The following NOL12 variants were observed in gnomAD, a reference collection of about 807,000 sequenced individuals.
NOL12 encodes nucleolar protein 12.
A neutral mutation model predicts 25.2 loss-of-function variants in NOL12; 21 were observed. The ratio of observed to expected loss-of-function variants is 0.83; its 90% confidence interval spans 0.59 to 1.20. The LOEUF (loss-of-function observed/expected upper bound fraction) is 1.20, where lower values mean the gene tolerates loss of function less well. Among genes scored for constraint, NOL12 ranks in the 50% most tolerant of loss-of-function variants. The probability of loss-of-function intolerance (pLI) is 0.00; values close to 1 mark genes in which losing one functional copy is unlikely to be tolerated. For synonymous variants in NOL12, 133 were observed against 113.8 expected (o/e 1.17, Z -1.08); for missense variants, 286 against 287.6 (o/e 0.99, Z 0.04).
Position 37,692,719 on chromosome 22 carries a change from G to A in NOL12, c.*1383G>A, listed in dbSNP as rs2145800151. 2.5e-6 allele frequency: 1 copy of A among 399,258 alleles called. No individual in the cohort carries two copies. Among genetic ancestry groups the A allele is most frequent in the Admixed American group, 4.4e-5 (1 of 22,750 alleles). The allele number at this position is 399,258 out of a possible 1,614,324, so 24.7% of individuals were successfully genotyped here. On this transcript the variant is annotated 3_prime_UTR_variant, in exon 6 of 6. Coordinates refer to ENST00000359114, the MANE Select transcript of NOL12 (RefSeq NM_024313.3). ...GACTGCGGGCTCTACCCGCCCTGAT[G>A]TGGGAGCTCCTGGAGTGGGGGTGAG...
In NOL12 at chr22:37,688,834, G is replaced by C. The variant is rs564789043; in HGVS notation, c.239-16G>C. On this transcript the variant is annotated splice_polypyrimidine_tract_variant and intron_variant, in intron 3 of 5. Transcript: ENST00000359114. ...CGTTCCCGTGACTGAGACCAGGTCT[G>C]TGTCCACCCCCACAGAGGAGGCAGA... 2 of 1,613,822 alleles carry C rather than the reference G, an allele frequency of 1.2e-6. No homozygotes were observed. The highest frequency in any genetic ancestry group is 1.7e-6 in the Non-Finnish European group (2 of 1,179,990).
intron 1 of NOL12, among the ~76,000 whole-genome samples, chr22:37,687,526 C>T (rs894274617): frequency 6.6e-6 from 1 of 152,078 alleles, no homozygotes; most frequent in Non-Finnish European, 1.5e-5. Flanking sequence ...GGCATGATCT[C>T]GGCTCACTGC....
rs1042397828 is a variant in NOL12 at position 37,690,789 on chromosome 22, T to C, written c.474T>C (p.Ser158=). The C allele has an allele frequency of 1.2e-6, 2 of 1,612,240 alleles. No homozygotes were observed. Among genetic ancestry groups the C allele is most frequent in the East Asian group, 2.2e-5 (1 of 44,844 alleles). ...GGAAGTCCAGAGACCCCCTGCTCTCTCAGCGGTGAGTCTTGGCCTGCTGCC... is the reference window on the plus strand; with the variant it reads ...GGAAGTCCAGAGACCCCCTGCTCTCCCAGCGGTGAGTCTTGGCCTGCTGCC... ...LPRKSRDPLL[S]QRISSLTASL... Residue 158 remains serine, a synonymous_variant, in exon 5 of 6, where the codon TCT becomes TCC. Transcript: ENST00000359114.
At chr22:37,689,680 C>T (rs558050840) in intron 4 of NOL12, among the ~76,000 whole-genome samples, 1 of 152,320 alleles carries the variant, frequency 6.6e-6, no homozygotes, top group African/African-American at 2.4e-5. Flanking sequence ...AACACATTTC[C>T]TTGTGTGGGT....
intron 4 of NOL12, 39 bp from the exon 5 acceptor site, chr22:37,690,658 C>G: frequency 6.6e-7 from 1 of 1,512,664 alleles, no homozygotes; most frequent in South Asian, 1.1e-5. Context: ...GTCCCCCCAG[C>G]TACTGCTCCA....
intron 5 of NOL12, 123 bp from the exon 6 acceptor site, chr22:37,691,051 C>A: frequency 1.7e-6 from 2 of 1,196,030 alleles, no homozygotes; most frequent in Non-Finnish European, 2.4e-6. Context: ...GTAGAGCAGG[C>A]CAACTCTGGC....
rs754579761 is a variant in NOL12, at chr22:37,691,282, C to T, written c.588C>T (p.Thr196=). Residue 196 remains threonine, a synonymous_variant, in exon 6 of 6, where the codon ACC becomes ACT. Coordinates refer to ENST00000359114, the MANE Select transcript of NOL12 (RefSeq NM_024313.3). ...DSKKPPRAPR[T]SKAQRRRLTG... ...AAAAGCCCCCAAGGGCCCCTCGTAC[C>T]AGCAAGGCCCAGCGCCGCCGTCTCA... is the stretch of plus-strand genomic sequence containing the variant. The T allele has an allele frequency of 1.7e-5, 27 of 1,613,874 alleles. 1 individual carries two copies. In the South Asian group the frequency reaches 2.5e-4, roughly 15 times the overall value.
Position 37,686,356 on chromosome 22 carries a change from G to C in NOL12, c.-37G>C. The stretch of plus-strand genomic sequence containing the variant: ...GAGGATGAGTACGCTACACCCGGAA[G>C]TGTCTTCAGGGAGAGGAAGCCGGCG... On this transcript the variant is annotated 5_prime_UTR_variant, in exon 1 of 6. Coordinates refer to ENST00000359114, the MANE Select transcript of NOL12 (RefSeq NM_024313.3). The C allele has an allele frequency of 3.2e-6, 5 of 1,565,936 alleles. No individual in the cohort carries two copies. The highest frequency in any genetic ancestry group is 2.6e-6 in the Non-Finnish European group (3 of 1,159,684).
chr22:37,691,025 G>T, intron 5 of NOL12, 149 bp from the exon 6 acceptor site: 1 of 939,012 alleles, frequency 1.1e-6, no homozygotes, highest in Non-Finnish European at 1.6e-6. Context: ...CTGAGTTGCT[G>T]GCAGGCACTC....
Position 37,686,384 on chromosome 22 carries a change from C to T in NOL12, c.-9C>T. On this transcript the variant is annotated 5_prime_UTR_variant, in exon 1 of 6. Coordinates refer to ENST00000359114, the MANE Select transcript of NOL12 (RefSeq NM_024313.3). Reference sequence around the variant, plus strand: ...TCTTCAGGGAGAGGAAGCCGGCGGCCTCACTGCTATGGGCCGCAACAAGAA... The same window carrying T: ...TCTTCAGGGAGAGGAAGCCGGCGGCTTCACTGCTATGGGCCGCAACAAGAA... 2 of 1,591,562 alleles carry T rather than the reference C, an allele frequency of 1.3e-6. No homozygotes were observed. Among genetic ancestry groups the T allele is most frequent in the Non-Finnish European group, 1.7e-6 (2 of 1,171,550 alleles).
intron 1 of NOL12, 34 bp downstream of exon 1, chr22:37,686,509 G>T: frequency 6.4e-7 from 1 of 1,551,608 alleles, no homozygotes; most frequent in Non-Finnish European, 8.7e-7. Context: ...CTCCCCTCGA[G>T]CTGTTCTTCG....
At chr22:37,689,423 G>GC (rs759475637) in intron 4 of NOL12, among the ~76,000 whole-genome samples, 12 of 152,336 alleles carry the variant, frequency 7.9e-5, no homozygotes, top group Admixed American at 4.6e-4. Flanking sequence ...ACAAAAGGTA[G>GC]CCGTTTGTTG....
chr22:37,687,457 G>A (rs1302698081), intron 1 of NOL12, among the ~76,000 whole-genome samples: 1 of 152,106 alleles, frequency 6.6e-6, no homozygotes, highest in Non-Finnish European at 1.5e-5. Flanking sequence ...ACAGGTTATT[G>A]TGAGGGTTTT....
In NOL12 at chr22:37,691,499, AGCT is replaced by A; in HGVS notation, c.*166_*168del. 1 of 425,702 alleles carries A rather than the reference AGCT, an allele frequency of 2.3e-6. No individual in the cohort carries two copies. Among genetic ancestry groups the A allele is most frequent in the Non-Finnish European group, 3.5e-6 (1 of 285,628 alleles). 26.4% of individuals were successfully genotyped at this position (425,702 alleles called of 1,614,324 possible). Reference sequence around the variant, plus strand: ...GGGCCAGCTGCCTTTGCCTGGGGTCAGCTGCCTTTGCCTGGGGTTTGAATTCCC... The same window carrying A: ...GGGCCAGCTGCCTTTGCCTGGGGTCAGCCTTTGCCTGGGGTTTGAATTCCC... On this transcript the variant is annotated 3_prime_UTR_variant, in exon 6 of 6. Transcript: ENST00000359114.
chr22:37,689,857 C>A (rs763132271), intron 4 of NOL12, among the ~76,000 whole-genome samples: 3 of 151,736 alleles, frequency 2.0e-5, no homozygotes, highest in Non-Finnish European at 4.4e-5. Context: ...GGTGAAACCC[C>A]GTCTCTATTA....
At chr22:37,686,601 C>T (rs1415906198) in intron 1 of NOL12, 126 bp downstream of exon 1, 14 of 1,380,608 alleles carry the variant, frequency 1.0e-5, no homozygotes, top group Non-Finnish European at 1.3e-5. Context: ...TAGAGAACCC[C>T]TCTCGGCCTT....
chr22:37,686,444 C>A lies in NOL12; in HGVS notation c.52C>A (p.Leu18Ile), dbSNP rs1047752176. The A allele has an allele frequency of 2.6e-5, 42 of 1,605,442 alleles. No homozygotes were observed. Among genetic ancestry groups the A allele is most frequent in the Non-Finnish European group, 3.4e-5 (40 of 1,176,778 alleles). ...KRDGDDRRPR[L>I]VLSFDEEKRR... ...AGATGGTGACGACCGGCGGCCGAGG[C>A]TCGTTCTTAGCTTCGACGAGGAGAA... Residue 18 changes from leucine (L) to isoleucine (I), a missense_variant, in exon 1 of 6, where the codon CTC becomes ATC. By Grantham distance (5) the Leu-to-Ile change is conservative. Transcript: ENST00000359114.
rs375668072 is a variant in NOL12, at chr22:37,688,966, C to T, written c.355C>T (p.Arg119Trp). 3.3e-5 allele frequency: 54 copies of T among 1,613,004 alleles called. No individual in the cohort carries two copies. Among genetic ancestry groups the T allele is most frequent in the South Asian group, 2.0e-4 (18 of 91,084 alleles). The change falls in exon 4 of 6, where the codon CGG (arginine) becomes TGG (tryptophan). Residue 119 changes from arginine to tryptophan, a missense_variant. Transcript: ENST00000359114. ...TISDLDLSGARLLGLTPPEGG... is the reference protein window; with the variant it reads ...TISDLDLSGAWLLGLTPPEGG... ...CAGTGACCTGGACCTCTCGGGGGCC[C>T]GGCTGCTCGGGCTGACCCCACCTGA...
intron 4 of NOL12, among the ~76,000 whole-genome samples, chr22:37,689,811 C>T (rs897514316): frequency 6.6e-6 from 1 of 151,608 alleles, no homozygotes; most frequent in African/African-American, 2.4e-5. Flanking sequence ...GCGTTATCAC[C>T]TGGGGTCAGG....
Sources: allele counts gnomAD v4.1 joint callset (sites outside exome capture counted in the v4.1 genomes callset), GRCh38; gene constraint gnomAD v4.1.1; transcripts MANE v1.5; gene names NCBI Gene and HGNC (gene_info 2026-07-23, HGNC 2026-07-21).